CRIM1: variants seen among roughly 807,000 people sequenced by gnomAD.
CRIM1 encodes cysteine rich transmembrane BMP regulator 1.
A neutral mutation model predicts 116.4 loss-of-function variants in CRIM1; 32 were observed. The ratio of observed to expected loss-of-function variants is 0.27; its 90% CI spans 0.21 to 0.37. The LOEUF (loss-of-function observed/expected upper bound fraction) is 0.37, where lower values mean the gene tolerates loss of function less well. Among genes scored for constraint, CRIM1 ranks in the 10% least tolerant of loss-of-function variants. CRIM1 has a pLI of 1.00. For synonymous variants in CRIM1, 590 were observed against 509.2 expected (o/e 1.16, Z -2.13); for missense variants, 1,331 against 1,354.8 (o/e 0.98, Z 0.28).
At chr2:36,542,760 C>CT (rs1667034880) in intron 14 of CRIM1, among the ~76,000 whole-genome samples, 1 of 152,132 alleles carries the variant, frequency 6.6e-6, no homozygotes, top group Admixed American at 6.5e-5. Flanking sequence ...GGCGACATGG[C>CT]TTTTCTGCCC....
chr2:36,361,365 C>T (rs1000031285), intron 1 of CRIM1, among the ~76,000 whole-genome samples: 2 of 152,144 alleles, frequency 1.3e-5, no homozygotes, highest in African/African-American at 4.8e-5. Context: ...GTAGGCATTA[C>T]ATCCATTTGT....
intron 1 of CRIM1, among the ~76,000 whole-genome samples, chr2:36,389,799 C>G (rs571584030): frequency 2.8e-4 from 43 of 152,234 alleles, no homozygotes; most frequent in Non-Finnish European, 5.4e-4. Context: ...ATTTCACACA[C>G]CAGCAAGCAG....
intron 1 of CRIM1, among the ~76,000 whole-genome samples, chr2:36,368,410 A>G (rs1025815394): frequency 5.3e-5 from 8 of 152,272 alleles, no homozygotes; most frequent in Non-Finnish European, 7.3e-5. Context: ...AGTTGTCCAG[A>G]AACTTCACCC....
intron 2 of CRIM1, among the ~76,000 whole-genome samples, chr2:36,424,701 C>CGT (rs1318907944): frequency 1.3e-5 from 2 of 152,086 alleles, no homozygotes; most frequent in Non-Finnish European, 2.9e-5. Flanking sequence ...TCACTTCCTC[C>CGT]GTGAAGTTTT....
chr2:36,476,543 A>G (rs1245655836), intron 5 of CRIM1, among the ~76,000 whole-genome samples: 2 of 152,192 alleles, frequency 1.3e-5, no homozygotes, highest in African/African-American at 2.4e-5. Flanking sequence ...CATTTGAGGT[A>G]GACAATGATT....
intron 15 of CRIM1, among the ~76,000 whole-genome samples, chr2:36,545,042 T>C (rs1221258488): frequency 6.6e-6 from 1 of 152,228 alleles, no homozygotes; most frequent in African/African-American, 2.4e-5. Flanking sequence ...AAAGATGTTA[T>C]TTTGTCTCCC....
At chr2:36,467,100 C>T (rs2125014268) in intron 5 of CRIM1, among the ~76,000 whole-genome samples, 1 of 152,302 alleles carries the variant, frequency 6.6e-6, no homozygotes, top group South Asian at 2.1e-4. Context: ...AGAGCCCTGA[C>T]TTCTGGAATA....
At chr2:36,363,199 C>CAA (rs200110269) in intron 1 of CRIM1, among the ~76,000 whole-genome samples, 192 of 70,236 alleles carry the variant, frequency 2.7e-3, no homozygotes, top group South Asian at 0.016. Flanking sequence ...GACCCTGTCT[C>CAA]AAAAAAAAAA....
At position 36,550,126 on chromosome 2, in the gene CRIM1, T is replaced by A. The variant is rs1667660187; in HGVS notation, c.*1425T>A. 1 of 152,542 alleles carries A rather than the reference T, an allele frequency of 6.6e-6. No individual in the cohort carries two copies. Among genetic ancestry groups the A allele is most frequent in the Admixed American group, 6.6e-5 (1 of 15,264 alleles). The allele number at this position is 152,542 out of a possible 1,614,324, so 9.4% of individuals were successfully genotyped here. The stretch of plus-strand genomic sequence containing the variant: ...CACCTGCTATGGAGAAGGGTATTCC[T>A]TTATTAAAATCTTCCTCATTTGGAT... On this transcript the variant is annotated 3_prime_UTR_variant, in exon 17 of 17. Transcript: ENST00000280527.
chr2:36,460,055 A>G (rs1294797042), intron 4 of CRIM1, among the ~76,000 whole-genome samples: 1 of 151,820 alleles, frequency 6.6e-6, no homozygotes, highest in Non-Finnish European at 1.5e-5. Context: ...GTTCCATTGT[A>G]CTCAGGCACT....
intron 5 of CRIM1, among the ~76,000 whole-genome samples, chr2:36,472,715 A>C (rs1678629047): frequency 6.6e-6 from 1 of 151,866 alleles, no homozygotes; most frequent in Admixed American, 6.6e-5. Flanking sequence ...TGATTGGTTT[A>C]TTTTTTTTAG....
intron 2 of CRIM1, among the ~76,000 whole-genome samples, chr2:36,429,194 A>T (rs1674682634): frequency 6.6e-6 from 1 of 152,232 alleles, no homozygotes; most frequent in Non-Finnish European, 1.5e-5. Flanking sequence ...CACATAACAC[A>T]AATTCCCAAC....
At chr2:36,511,465 A>G (rs1421947972) in intron 9 of CRIM1, among the ~76,000 whole-genome samples, 2 of 152,242 alleles carry the variant, frequency 1.3e-5, no homozygotes, top group African/African-American at 2.4e-5. Flanking sequence ...CAATAAGAGT[A>G]TTATGTCTTA....
intron 5 of CRIM1, among the ~76,000 whole-genome samples, chr2:36,469,589 C>T (rs987835338): frequency 6.6e-6 from 1 of 152,170 alleles, no homozygotes; most frequent in African/African-American, 2.4e-5. Flanking sequence ...CCAGCATCAG[C>T]TTGCTCCTCA....
intron 2 of CRIM1, among the ~76,000 whole-genome samples, chr2:36,410,193 A>G (rs899192269): frequency 1.6e-4 from 25 of 152,088 alleles, no homozygotes; most frequent in African/African-American, 5.1e-4. Flanking sequence ...TAAATCGAGG[A>G]TGTGTTTTTT....
chr2:36,533,148 ATTATT>A (rs1291755311), intron 13 of CRIM1, among the ~76,000 whole-genome samples: 1 of 152,162 alleles, frequency 6.6e-6, no homozygotes, highest in African/African-American at 2.4e-5. Context: ...TACAGTGACT[ATTATT>A]TTAATTTATA....
intron 12 of CRIM1, among the ~76,000 whole-genome samples, chr2:36,520,532 T>G (rs1558396031): frequency 6.6e-6 from 1 of 152,218 alleles, no homozygotes; most frequent in Non-Finnish European, 1.5e-5. Flanking sequence ...CCTATGTGGG[T>G]GGGATCTGTG....
In CRIM1 at chr2:36,435,924, GC is replaced by G. The variant is rs1395044775; in HGVS notation, c.506-5333del. 6.3e-4 allele frequency among the ~76,000 whole-genome samples: 36 copies of G among 57,312 alleles called. No individual in the cohort carries two copies. The Admixed American group carries it at 6.9e-3, about 11-fold the overall frequency. 37.6% of individuals were successfully genotyped at this position (57,312 alleles called of 152,430 possible). On this transcript the variant is annotated intron_variant, in intron 2 of 16. Transcript: ENST00000280527. ...CTTTGGTCTTTCTATATCTGGGCAGGCTTTTTTTTTTTTTAATGTCTGTTGC... is the reference window on the plus strand; with the variant it reads ...CTTTGGTCTTTCTATATCTGGGCAGGTTTTTTTTTTTTTAATGTCTGTTGC...
At chr2:36,390,105 A>G (rs1671461201) in intron 1 of CRIM1, among the ~76,000 whole-genome samples, 1 of 152,242 alleles carries the variant, frequency 6.6e-6, no homozygotes, top group Non-Finnish European at 1.5e-5. Context: ...CACCGAGAAT[A>G]TTGAAAGATA....
Sources: gnomAD v4.1 joint callset for allele counts (sites outside exome capture counted in the v4.1 genomes callset) on GRCh38, gnomAD v4.1.1 for gene constraint, MANE v1.5 for transcripts, NCBI Gene and HGNC (gene_info 2026-07-23, HGNC 2026-07-21) for gene names.